Variants in SDK1 observed in about 807,000 individuals in gnomAD.
SDK1 encodes the protein sidekick cell adhesion molecule 1, also known as protein sidekick-1.
SDK1 carries 157 observed loss-of-function variants against 245.5 expected under a neutral mutation model. The observed-to-expected ratio is 0.64, with a 90% CI of 0.56 to 0.73. The LOEUF is 0.73. Among genes scored for constraint, SDK1 ranks in the 30% least tolerant of loss-of-function variants. The probability of loss-of-function intolerance (pLI) is 0.00; values close to 1 mark genes in which losing one functional copy is unlikely to be tolerated. For synonymous variants in SDK1, 1,647 were observed against 1,278.5 expected, an observed-to-expected ratio of 1.29 and a Z score of -6.15; for missense variants, 3,583 against 3,002.3, an observed-to-expected ratio of 1.19 and a Z score of -4.52.
chr7:3,893,694 C>G (rs1440194114), intron 5 of SDK1, among the ~76,000 whole-genome samples: 1 of 151,272 alleles, frequency 6.6e-6, no homozygotes, highest in South Asian at 2.1e-4. Context: ...ATCCCAGCCA[C>G]GATGGCATTC....
At chr7:4,172,077 CA>C (rs1295040903) in intron 32 of SDK1, among the ~76,000 whole-genome samples, 1 of 152,114 alleles carries the variant, frequency 6.6e-6, no homozygotes, top group Non-Finnish European at 1.5e-5. Flanking sequence ...ACACGGATCG[CA>C]AAGACCCAGC....
intron 1 of SDK1, among the ~76,000 whole-genome samples, chr7:3,485,386 G>C (rs1038213916): frequency 2.0e-5 from 3 of 152,082 alleles, no homozygotes; most frequent in Admixed American, 2.0e-4. Flanking sequence ...TGAGTTCAGT[G>C]CTGGGTTCCA....
chr7:3,398,883 G>A (rs1778806385), intron 1 of SDK1, among the ~76,000 whole-genome samples: 1 of 151,368 alleles, frequency 6.6e-6, no homozygotes, highest in South Asian at 2.1e-4. Context: ...CTAGTAAGCT[G>A]TGATTTTGTG....
At chr7:3,885,282 T>C (rs543092354) in intron 5 of SDK1, among the ~76,000 whole-genome samples, 106 of 152,298 alleles carry the variant, frequency 7.0e-4, no homozygotes, top group African/African-American at 2.4e-3. Context: ...GAATAACGTC[T>C]GTAAACTGAC....
chr7:3,822,458 T>G (rs554504080), intron 5 of SDK1, among the ~76,000 whole-genome samples: 1 of 152,264 alleles, frequency 6.6e-6, no homozygotes, highest in African/African-American at 2.4e-5. Flanking sequence ...AGGAATCGTT[T>G]CCCCTGCAAG....
chr7:4,228,888 C>T (rs548747082), intron 40 of SDK1, among the ~76,000 whole-genome samples: 8 of 152,100 alleles, frequency 5.3e-5, no homozygotes, highest in African/African-American at 1.9e-4. Flanking sequence ...GAAGAGAAAC[C>T]AGGCTGGCTC....
chr7:3,791,847 G>C (rs969749420), intron 4 of SDK1, among the ~76,000 whole-genome samples: 1 of 152,134 alleles, frequency 6.6e-6, no homozygotes, highest in Non-Finnish European at 1.5e-5. Context: ...CATGGAGTCA[G>C]GCATGGTGGC....
At chr7:3,829,110 G>A (rs181966758) in intron 5 of SDK1, among the ~76,000 whole-genome samples, 337 of 152,214 alleles carry the variant, frequency 2.2e-3, no homozygotes, top group Non-Finnish European at 3.7e-3. Context: ...ATATAGATGC[G>A]CTGCGGTAGT....
At chr7:3,463,763 T>C (rs1780905433) in intron 1 of SDK1, among the ~76,000 whole-genome samples, 1 of 152,220 alleles carries the variant, frequency 6.6e-6, no homozygotes, top group Admixed American at 6.5e-5. Context: ...GGTCTCTCCA[T>C]ACATTTCTCT....
chr7:3,910,527 C>A lies in SDK1; in HGVS notation c.848-40396C>A, dbSNP rs548898854. Among the ~76,000 whole-genome samples the A allele has an allele frequency of 6.0e-4, 91 of 152,280 alleles. 1 individual carries two copies. The highest frequency in any genetic ancestry group is 1.1e-3 in the Non-Finnish European group (76 of 68,030). On this transcript the variant is annotated intron_variant, in intron 5 of 44. Transcript: ENST00000404826. ...CGGAGGTCACCAAAAAGTACTGAGT[C>A]ATCGTGCCATTCGGTTACCTTCGGC...
At chr7:3,755,681 C>G (rs542252230) in intron 4 of SDK1, among the ~76,000 whole-genome samples, 1 of 152,114 alleles carries the variant, frequency 6.6e-6, no homozygotes, top group African/African-American at 2.4e-5. Context: ...CCCCCCAACC[C>G]CTCACCCCAA....
chr7:3,671,180 A>AC (rs1783691350), intron 4 of SDK1, among the ~76,000 whole-genome samples: 1 of 152,188 alleles, frequency 6.6e-6, no homozygotes, highest in African/African-American at 2.4e-5. Flanking sequence ...GAAACACTGA[A>AC]CAGGATCTGG....
intron 1 of SDK1, among the ~76,000 whole-genome samples, chr7:3,345,359 C>T (rs1040333133): frequency 6.6e-6 from 1 of 151,990 alleles, no homozygotes; most frequent in African/African-American, 2.4e-5. Context: ...CTGAACTAAC[C>T]TTTTAATATA....
At chr7:3,502,014 T>G (rs991296883) in intron 1 of SDK1, among the ~76,000 whole-genome samples, 16 of 152,134 alleles carry the variant, frequency 1.1e-4, no homozygotes, top group African/African-American at 3.9e-4. Flanking sequence ...AGGCAAACTT[T>G]TAACAAAAAT....
intron 44 of SDK1, among the ~76,000 whole-genome samples, chr7:4,246,494 G>C (rs575947005): frequency 4.6e-5 from 7 of 152,240 alleles, no homozygotes; most frequent in African/African-American, 1.7e-4. Flanking sequence ...GTGGCAGCGG[G>C]TCTGATCCTG....
chr7:4,147,887 C>T (rs373219052), intron 29 of SDK1, among the ~76,000 whole-genome samples: 2 of 152,148 alleles, frequency 1.3e-5, no homozygotes, highest in African/African-American at 2.4e-5. Context: ...GCCCCTCCCG[C>T]GAGCCAGGCA....
At chr7:4,057,569 T>C (rs1188772082) in intron 19 of SDK1, among the ~76,000 whole-genome samples, 1 of 151,770 alleles carries the variant, frequency 6.6e-6, no homozygotes, top group Non-Finnish European at 1.5e-5. Flanking sequence ...CCCACCTGCT[T>C]GGCCCCCTGC....
intron 1 of SDK1, among the ~76,000 whole-genome samples, chr7:3,369,332 C>T (rs550073540): frequency 6.6e-6 from 1 of 152,274 alleles, no homozygotes; most frequent in East Asian, 1.9e-4. Context: ...TGACCCAGTG[C>T]ACCCACCAAT....
At chr7:3,860,108 G>A (rs1474147549) in intron 5 of SDK1, among the ~76,000 whole-genome samples, 1 of 152,006 alleles carries the variant, frequency 6.6e-6, no homozygotes, top group African/African-American at 2.4e-5. Context: ...TTTTAGTAGG[G>A]TCGGGGTTTC....
Sources: allele counts gnomAD v4.1 joint callset (sites outside exome capture counted in the v4.1 genomes callset), GRCh38; gene constraint gnomAD v4.1.1; transcripts MANE v1.5; gene names NCBI Gene and HGNC (gene_info 2026-07-23, HGNC 2026-07-21).